BUB1: variants seen among roughly 807,000 people sequenced by gnomAD.
BUB1 encodes mitotic checkpoint serine/threonine-protein kinase BUB1.
A neutral mutation model predicts 135.2 loss-of-function variants in BUB1; 84 were observed. The observed-to-expected ratio is 0.62, with a 90% confidence interval of 0.52 to 0.74. The LOEUF is 0.74. Among genes scored for constraint, BUB1 ranks in the 30% least tolerant of loss-of-function variants. BUB1 has a pLI of 0.00. For synonymous variants in BUB1, 403 were observed against 434.4 expected (o/e 0.93, Z 0.90); for missense variants, 1,162 against 1,288.3 (o/e 0.90, Z 1.50).
At chr2:110,666,637 A>C (rs987011791) in intron 8 of BUB1, among the ~76,000 whole-genome samples, 4 of 152,018 alleles carry the variant, frequency 2.6e-5, no homozygotes, top group Non-Finnish European at 5.9e-5. Context: ...AAAAAAAAAA[A>C]AACTACATGC....
chr2:110,657,235 A>G, intron 14 of BUB1, 118 bp from the exon 15 acceptor site: 1 of 788,336 alleles, frequency 1.3e-6, no homozygotes, highest in African/African-American at 1.8e-5. Context: ...CTTTATATAG[A>G]TATTCCTTGC....
chr2:110,639,603 G>T (rs541247590), intron 24 of BUB1, 139 bp downstream of exon 24: 28 of 684,496 alleles, frequency 4.1e-5, no homozygotes, highest in Admixed American at 8.0e-5. Flanking sequence ...CAGTGCCCAG[G>T]ACTGTCCTGT....
In BUB1 at chr2:110,642,233, A is replaced by G. The variant is rs1381717371; in HGVS notation, c.2349T>C (p.Gly783=). 2 of 1,576,444 alleles carry G rather than the reference A, an allele frequency of 1.3e-6. No individual in the cohort carries two copies. Among genetic ancestry groups the G allele is most frequent in the African/African-American group, 2.7e-5 (2 of 72,802 alleles). The change falls in exon 20 of 25, where the codon GGT becomes GGC. Residue 783 remains glycine, a splice_region_variant and synonymous_variant. Transcript: ENST00000302759. ...GGTGATGGACATAGACCAGCTTAGA[A>G]CCTTAGAAGATAATTGAAAATTTTA... is the stretch of plus-strand genomic sequence containing the variant. ...AIKPKTEFQL[G]SKLVYVHHLL...
chr2:110,640,930 C>T, intron 23 of BUB1, 104 bp downstream of exon 23: 1 of 1,257,446 alleles, frequency 8.0e-7, no homozygotes, highest in Non-Finnish European at 1.1e-6. Flanking sequence ...TCAACTGCTC[C>T]TCAAAAGACC....
At chr2:110,649,408 GGAACAT>G (rs1423742090) in intron 18 of BUB1, 31 bp from the exon 19 acceptor site, 1 of 1,482,362 alleles carries the variant, frequency 6.7e-7, no homozygotes, top group African/African-American at 1.4e-5. Context: ...AAAAAAAAAG[GGAACAT>G]GAATTGAGTA....
chr2:110,667,481 T>G (rs1350521993), intron 8 of BUB1, 40 bp downstream of exon 8: 1 of 1,549,508 alleles, frequency 6.5e-7, no homozygotes, highest in African/African-American at 1.4e-5. Context: ...GATTTTTTTA[T>G]GTGACATAAG....
intron 15 of BUB1, among the ~76,000 whole-genome samples, 179 bp from the exon 16 acceptor site, chr2:110,656,095 C>A (rs1689927564): frequency 6.6e-6 from 1 of 152,122 alleles, no homozygotes; most frequent in African/African-American, 2.4e-5. Context: ...ACTGGAAAAT[C>A]AGTGGAGTTA....
rs748197678 is a variant in BUB1, at chr2:110,667,810, T to C, written c.607A>G (p.Lys203Glu). ...GATTATACTTGCATATTTGACTCTT[T>C]ATCACAAGCTGAAGATATCACTCCA... ...LSGVISSACD[K>E]ESNMERRVIT... The change falls in exon 7 of 25, where the codon AAA (lysine) becomes GAA (glutamate). Residue 203 changes from lysine (K) to glutamate (E), a missense_variant. Transcript: ENST00000302759. The C allele has an allele frequency of 6.2e-7, 1 of 1,613,428 alleles. No homozygotes were observed. Among genetic ancestry groups the C allele is most frequent in the Non-Finnish European group, 8.5e-7 (1 of 1,179,850 alleles).
At chr2:110,670,654 C>A in intron 4 of BUB1, 86 bp from the exon 5 acceptor site, 1 of 1,360,254 alleles carries the variant, frequency 7.4e-7, no homozygotes, top group Non-Finnish European at 1.0e-6. Flanking sequence ...CCATAGACAA[C>A]TTATTATAAG....
chr2:110,667,839 A>C lies in BUB1; in HGVS notation c.578T>G (p.Leu193Arg), dbSNP rs774621867. ...ACISKNQGSE[L>R]SGVISSACDK... ...ACAAGCTGAAGATATCACTCCAGAA[A>C]GCTCTGAACCCTAAAAAACAGAAAA... is the stretch of plus-strand genomic sequence containing the variant. Residue 193 changes from leucine (L) to arginine (R), a missense_variant, in exon 7 of 25, where the codon CTT becomes CGT. By Grantham distance (102) the Leu-to-Arg change is moderately radical. Transcript: ENST00000302759. 1.2e-6 allele frequency: 2 copies of C among 1,612,970 alleles called. No individual in the cohort carries two copies. The highest frequency in any genetic ancestry group is 1.7e-6 in the Non-Finnish European group (2 of 1,179,786).
Position 110,637,910 on chromosome 2 carries a change from G to C in BUB1, c.*54C>G. ...TAAATGAAAAAAAAACAGGTTTAAAGTGAGCAGATTCATATTTACAGTGTG... is the reference window on the plus strand; with the variant it reads ...TAAATGAAAAAAAAACAGGTTTAAACTGAGCAGATTCATATTTACAGTGTG... On this transcript the variant is annotated 3_prime_UTR_variant, in exon 25 of 25. Coordinates refer to ENST00000302759, the MANE Select transcript of BUB1 (RefSeq NM_004336.5). The C allele has an allele frequency of 8.2e-7, 1 of 1,223,460 alleles. No individual in the cohort carries two copies. Among genetic ancestry groups the C allele is most frequent in the Non-Finnish European group, 1.1e-6 (1 of 921,934 alleles). 75.8% of individuals were successfully genotyped at this position (1,223,460 alleles called of 1,614,324 possible).
Position 110,655,927 on chromosome 2 carries a change from AG to A in BUB1, c.1699-12del. 6.2e-7 allele frequency: 1 copy of A among 1,608,990 alleles called. No homozygotes were observed. On this transcript the variant is annotated splice_polypyrimidine_tract_variant and intron_variant, in intron 15 of 24. Transcript: ENST00000302759. ...ATGAGGCACTTCCTCCTATAACAGA[AG>A]ATGAAATGAAAAAAAAGCAGCAATC...
At chr2:110,645,441 CAAAAA>C (rs764953204) in intron 19 of BUB1, among the ~76,000 whole-genome samples, 1 of 108,206 alleles carries the variant, frequency 9.2e-6, no homozygotes, top group African/African-American at 3.5e-5. Flanking sequence ...GACTCCTTCT[CAAAAA>C]AAAAAAAAAG....
chr2:110,670,402 T>C (rs899982431), intron 5 of BUB1, 123 bp downstream of exon 5: 1 of 1,111,026 alleles, frequency 9.0e-7, no homozygotes, highest in Non-Finnish European at 1.4e-6. Context: ...CCTCCCAAAG[T>C]GCTGGGATTA....
chr2:110,667,471 G>T (rs1410624172), intron 8 of BUB1, 50 bp downstream of exon 8: 2 of 1,526,276 alleles, frequency 1.3e-6, no homozygotes, highest in East Asian at 2.3e-5. Context: ...CAGAGATGAG[G>T]ATTTTTTTAT....
At chr2:110,644,750 G>C (rs1237552671) in intron 19 of BUB1, among the ~76,000 whole-genome samples, 1 of 152,166 alleles carries the variant, frequency 6.6e-6, no homozygotes, top group African/African-American at 2.4e-5. Flanking sequence ...AGAGAGTGGA[G>C]TGAAATATCT....
Position 110,666,250 on chromosome 2 carries a change from G to T in BUB1, c.957+13C>A. The T allele has an allele frequency of 2.2e-6, 3 of 1,364,316 alleles. No homozygotes were observed. The highest frequency in any genetic ancestry group is 1.9e-6 in the Non-Finnish European group (2 of 1,048,606). 84.5% of individuals were successfully genotyped at this position (1,364,316 alleles called of 1,614,324 possible). ...TGCTGGGCACAGGATGTGTCATGAGGAGCACAACATACCTCGGACCTTTCC... is the reference window on the plus strand; with the variant it reads ...TGCTGGGCACAGGATGTGTCATGAGTAGCACAACATACCTCGGACCTTTCC... On this transcript the variant is annotated intron_variant, in intron 9 of 24. Transcript: ENST00000302759.
At chr2:110,674,498 C>A (rs1349523167) in intron 1 of BUB1, 133 bp from the exon 2 acceptor site, 1 of 711,916 alleles carries the variant, frequency 1.4e-6, no homozygotes, top group Non-Finnish European at 2.4e-6. Context: ...TATATATACA[C>A]CATTTATATG....
chr2:110,638,162 G>GA lies in BUB1; in HGVS notation c.3063-4dup. 1.3e-6 allele frequency: 2 copies of GA among 1,584,356 alleles called. No individual in the cohort carries two copies. The highest frequency in any genetic ancestry group is 1.7e-6 in the Non-Finnish European group (2 of 1,166,356). On this transcript the variant is annotated splice_polypyrimidine_tract_variant and splice_region_variant and intron_variant, in intron 24 of 24. Coordinates refer to ENST00000302759, the MANE Select transcript of BUB1 (RefSeq NM_004336.5). ...TCCACATATCCAAATGAGGAAGCCT[G>GA]AAAAAGACAAAGCATAAATAATGGC... is the stretch of plus-strand genomic sequence containing the variant.
Sources: gnomAD v4.1 joint callset for allele counts (sites outside exome capture counted in the v4.1 genomes callset) on GRCh38, gnomAD v4.1.1 for gene constraint, MANE v1.5 for transcripts, NCBI Gene and HGNC (gene_info 2026-07-23, HGNC 2026-07-21) for gene names.